The following TBC1D8B variants were observed in gnomAD, a reference collection of about 807,000 sequenced individuals.
TBC1D8B encodes TBC1 domain family member 8B.
TBC1D8B carries 75 observed loss-of-function variants against 82.9 expected under a neutral mutation model. The ratio of observed to expected loss-of-function variants is 0.90; its 90% confidence interval spans 0.75 to 1.10. The LOEUF (loss-of-function observed/expected upper bound fraction) is 1.10, where lower values mean the gene tolerates loss of function less well. Among genes scored for constraint, TBC1D8B ranks in the 50% least tolerant of loss-of-function variants. The pLI, the probability that TBC1D8B is intolerant of heterozygous loss-of-function variation, is 0.00. For synonymous variants in TBC1D8B, 276 were observed against 276.8 expected, an observed-to-expected ratio of 1.00 and a Z score of 0.03; for missense variants, 794 against 796.9, an observed-to-expected ratio of 1.00 and a Z score of 0.04.
chrX:106,822,697 T>A (rs6523897), intron 4 of TBC1D8B, among the ~76,000 whole-genome samples: 36,683 of 109,000 alleles, frequency 0.34, 6,263 homozygotes, highest in African/African-American at 0.64. Flanking sequence ...TCATTTTTTT[T>A]AAAAATTATC....
intron 12 of TBC1D8B, among the ~76,000 whole-genome samples, chrX:106,852,133 T>A (rs1479793414): frequency 1.4e-4 from 15 of 106,858 alleles, no homozygotes; most frequent in African/African-American, 6.8e-5. Flanking sequence ...GGTATCTCAT[T>A]GTGGTTTTGA....
intron 20 of TBC1D8B, among the ~76,000 whole-genome samples, chrX:106,872,464 TATATATA>T (rs1205491898): frequency 1.1e-5 from 1 of 93,380 alleles, no homozygotes; most frequent in Non-Finnish European, 2.1e-5. Context: ...TTTATATATA[TATATATA>T]TATATATATA....
At chrX:106,869,648 C>T (rs1932835466) in intron 19 of TBC1D8B, 107 bp downstream of exon 19, 1 of 506,842 alleles carries the variant, frequency 2.0e-6, no homozygotes, top group Non-Finnish European at 3.1e-6. Context: ...CTATTGATGT[C>T]TCAGAAATTA....
chrX:106,850,179 G>A lies in TBC1D8B; in HGVS notation c.1992G>A (p.Val664=). The change falls in exon 12 of 21, where the codon GTG becomes GTA. Residue 664 remains valine, a synonymous_variant. Coordinates refer to ENST00000357242, the MANE Select transcript of TBC1D8B (RefSeq NM_017752.3). ...GTGTGCTACCTATTGAAAGTGCAGTGAATGTGGTGGACTGTTTCTTCTATG... is the reference window on the plus strand; with the variant it reads ...GTGTGCTACCTATTGAAAGTGCAGTAAATGTGGTGGACTGTTTCTTCTATG... The part of the protein sequence containing the change: ...FISVLPIESA[V]NVVDCFFYDG... 8.3e-7 allele frequency: 1 copy of A among 1,211,300 alleles called. No individual in the cohort carries two copies. The highest frequency in any genetic ancestry group is 1.1e-6 in the Non-Finnish European group (1 of 895,406).
chrX:106,843,814 A>G (rs1275091694), intron 10 of TBC1D8B, among the ~76,000 whole-genome samples: 1 of 111,322 alleles, frequency 9.0e-6, no homozygotes, highest in East Asian at 2.8e-4. Flanking sequence ...CATATTAACA[A>G]TATTAACTCT....
intron 1 of TBC1D8B, 111 bp from the exon 2 acceptor site, chrX:106,818,552 T>C (rs1322150022): frequency 4.1e-6 from 2 of 488,696 alleles, no homozygotes; most frequent in Non-Finnish European, 6.4e-6. Context: ...GTAAGGACTC[T>C]ATGGGCTAGA....
At chrX:106,841,027 G>T in intron 10 of TBC1D8B, 143 bp downstream of exon 10, 2 of 473,732 alleles carry the variant, frequency 4.2e-6, no homozygotes, top group Non-Finnish European at 7.0e-6. Flanking sequence ...TAAGTAGGAT[G>T]GTAGTGGGAA....
At chrX:106,868,367 A>G in intron 17 of TBC1D8B, 26 bp from the exon 18 acceptor site, 1 of 957,666 alleles carries the variant, frequency 1.0e-6, no homozygotes, top group South Asian at 4.8e-5. Context: ...TAATAAATGT[A>G]ATTTGGGTTA....
At chrX:106,865,424 T>G (rs1321999288) in intron 14 of TBC1D8B, 135 bp from the exon 15 acceptor site, 4 of 332,565 alleles carry the variant, frequency 1.2e-5, no homozygotes, top group Non-Finnish European at 2.0e-5. Flanking sequence ...TTATAATAAC[T>G]TTTTATTATT....
intron 7 of TBC1D8B, 151 bp downstream of exon 7, chrX:106,827,488 A>G (rs1182059838): frequency 5.5e-6 from 3 of 550,091 alleles, no homozygotes; most frequent in Non-Finnish European, 8.5e-6. Context: ...TGTCTAACTC[A>G]CATCCTTAAG....
chrX:106,863,662 C>G (rs1365617275), intron 14 of TBC1D8B, among the ~76,000 whole-genome samples: 1 of 112,005 alleles, frequency 8.9e-6, no homozygotes, highest in Non-Finnish European at 1.9e-5. Context: ...TTGCAACTGC[C>G]AGCAGAGTTT....
intron 1 of TBC1D8B, among the ~76,000 whole-genome samples, chrX:106,806,396 T>G (rs998177303): frequency 1.6e-4 from 18 of 112,297 alleles, no homozygotes; most frequent in Non-Finnish European, 1.9e-5. Flanking sequence ...TTGCTTCTCC[T>G]AGCTAATAAT....
At position 106,870,773 on chromosome X, in the gene TBC1D8B, A is replaced by C. The variant is rs1440333087; in HGVS notation, c.2927A>C (p.Lys976Thr). The stretch of plus-strand genomic sequence containing the variant: ...AGTCAATGGCAAGATGAGCTTTTCA[A>C]AAAAGAAGAAAACATTAAGGATTTA... ...YLSQWQDELF[K>T]KEENIKDLPR... is the part of the protein sequence containing the mutation. The change falls in exon 20 of 21, where the codon AAA (lysine) becomes ACA (threonine). Residue 976 changes from lysine (K) to threonine (T), a missense_variant. Physicochemically the swap from Lys to Thr is moderately conservative, Grantham distance 78 (BLOSUM62 -1). Transcript: ENST00000357242. The C allele has an allele frequency of 8.3e-7, 1 of 1,201,907 alleles. No individual in the cohort carries two copies.
At chrX:106,843,509 A>G (rs1426806113) in intron 10 of TBC1D8B, among the ~76,000 whole-genome samples, 2 of 111,636 alleles carry the variant, frequency 1.8e-5, no homozygotes, top group Non-Finnish European at 3.8e-5. Flanking sequence ...AGTTGACCAT[A>G]AATGTTAGAG....
rs1031200170 is a variant in TBC1D8B, at chrX:106,876,149, A to T, written c.*2184A>T. 11 of 110,589 alleles carry T rather than the reference A, an allele frequency of 9.9e-5. No homozygotes were observed. The Admixed American group carries it at 1.1e-3, about 11-fold the overall frequency. 9.1% of individuals were successfully genotyped at this position (110,589 alleles called of 1,213,427 possible). ...ATAAATATATCTACTAAACATGAAAAATGGTTTACTTAAAAAGATTAGTAT... is the reference window on the plus strand; with the variant it reads ...ATAAATATATCTACTAAACATGAAATATGGTTTACTTAAAAAGATTAGTAT... On this transcript the variant is annotated 3_prime_UTR_variant, in exon 21 of 21. Coordinates refer to ENST00000357242, the MANE Select transcript of TBC1D8B (RefSeq NM_017752.3).
Position 106,802,711 on chromosome X carries a change from G to A in TBC1D8B, c.-143G>A, listed in dbSNP as rs1045279184. 8.3e-6 allele frequency: 7 copies of A among 841,249 alleles called. No individual in the cohort carries two copies. The African/African-American group carries it at 1.2e-4, about 15-fold the overall frequency. The allele number at this position is 841,249 out of a possible 1,213,427, so 69.3% of individuals were successfully genotyped here. On this transcript the variant is annotated 5_prime_UTR_variant, in exon 1 of 21. Transcript: ENST00000357242. ...CCTACGTGGGAGAGAAGGGAGGGTT[G>A]GGGGAAGTGTGGAAAACCTGAACCT... is the stretch of plus-strand genomic sequence containing the variant.
At chrX:106,821,908 G>T in intron 3 of TBC1D8B, 69 bp from the exon 4 acceptor site, 2 of 916,997 alleles carry the variant, frequency 2.2e-6, no homozygotes, top group Non-Finnish European at 3.1e-6. Context: ...TCAATCAACT[G>T]TTTGAATGTA....
chrX:106,818,764 A>T lies in TBC1D8B; in HGVS notation c.232A>T (p.Ile78Phe). The T allele has an allele frequency of 1.7e-6, 2 of 1,192,342 alleles. No individual in the cohort carries two copies. Among genetic ancestry groups the T allele is most frequent in the Non-Finnish European group, 2.3e-6 (2 of 880,093 alleles). ...ACCAGATTCTCAAGTTTACTTGTCA[A>T]TTGCATGTGGTGAGTATGATTTTTA... ...QTPDSQVYLS[I>F]ACGANREEIT... The change falls in exon 2 of 21, where the codon ATT (isoleucine) becomes TTT (phenylalanine). Residue 78 changes from isoleucine (I) to phenylalanine (F), a missense_variant. Ile to Phe is a conservative substitution (Grantham distance 21). Coordinates refer to ENST00000357242, the MANE Select transcript of TBC1D8B (RefSeq NM_017752.3).
At chrX:106,831,271 A>G (rs942170396) in intron 7 of TBC1D8B, among the ~76,000 whole-genome samples, 1 of 111,889 alleles carries the variant, frequency 8.9e-6, no homozygotes, top group Non-Finnish European at 1.9e-5. Context: ...ATAATGCAGT[A>G]TTGATAAAAC....
Sources: allele counts gnomAD v4.1 joint callset (sites outside exome capture counted in the v4.1 genomes callset), GRCh38; gene constraint gnomAD v4.1.1; transcripts MANE v1.5; gene names NCBI Gene and HGNC (gene_info 2026-07-23, HGNC 2026-07-21).